Variants in DNAH14 observed in about 807,000 individuals in gnomAD.
DNAH14 encodes axonemal beta dynein heavy chain 14.
Under a neutral mutation model 520.9 loss-of-function variants are expected in DNAH14, and 478 were observed. The observed-to-expected ratio is 0.92, with a 90% CI of 0.85 to 0.99. The LOEUF (loss-of-function observed/expected upper bound fraction) is 0.99, where lower values mean the gene tolerates loss of function less well. DNAH14 is among the 50% of genes least tolerant of loss of function. The pLI is 0.00. For missense variants in DNAH14, 4,831 were observed against 5,234.5 expected (o/e 0.92, Z 2.38); for synonymous variants, 1,581 against 1,757.2 (o/e 0.90, Z 2.51).
intron 46 of DNAH14, among the ~76,000 whole-genome samples, chr1:225,261,337 T>A (rs2092928742): frequency 6.6e-6 from 1 of 152,302 alleles, no homozygotes; most frequent in South Asian, 2.1e-4. Flanking sequence ...TGTTGAGAAT[T>A]TTTTATGAAA....
chr1:224,952,721 A>G lies in DNAH14; in HGVS notation c.19A>G (p.Ile7Val). 2 of 1,603,728 alleles carry G rather than the reference A, an allele frequency of 1.2e-6. No individual in the cohort carries two copies. The highest frequency in any genetic ancestry group is 1.1e-5 in the South Asian group (1 of 88,942). The change falls in exon 2 of 86, where the codon ATT (isoleucine) becomes GTT (valine). Residue 7 changes from isoleucine to valine, a missense_variant. Ile to Val is a conservative substitution (Grantham distance 29, BLOSUM62 3). Coordinates refer to ENST00000682510, the MANE Select transcript of DNAH14 (RefSeq NM_001367479.1). ...AAAACATATGGAGACGTTTATACCC[A>G]TTGATTTGACAACTGAAAATCAAGA... METFIPIDLTTENQEMD... is the reference protein window; with the variant it reads METFIPVDLTTENQEMD...
At chr1:225,071,374 G>T (rs2071524081) in intron 17 of DNAH14, among the ~76,000 whole-genome samples, 1 of 152,108 alleles carries the variant, frequency 6.6e-6, no homozygotes, top group South Asian at 2.1e-4. Context: ...AGGCAGGTCT[G>T]GTGGTAACAA....
chr1:225,049,047 ATTTTTTTTTTTTTTT>A (rs71170051), intron 15 of DNAH14, among the ~76,000 whole-genome samples: 5 of 56,278 alleles, frequency 8.9e-5, no homozygotes, highest in African/African-American at 3.3e-4. Flanking sequence ...TCTCTTGCCT[ATTTTTTTTTTTTTTT>A]TTTTTTTTTT....
chr1:225,340,844 A>G, intron 69 of DNAH14, 143 bp downstream of exon 69: 2 of 1,014,102 alleles, frequency 2.0e-6, no homozygotes, highest in Non-Finnish European at 2.8e-6. Context: ...GAATCACCCC[A>G]TTTCTAAACT....
At chr1:224,986,110 T>C (rs2062618250) in intron 8 of DNAH14, among the ~76,000 whole-genome samples, 1 of 151,476 alleles carries the variant, frequency 6.6e-6, no homozygotes, top group Admixed American at 6.6e-5. Context: ...CAGTAACAAG[T>C]AAGAAGATCA....
At chr1:225,122,557 T>C (rs928965428) in intron 26 of DNAH14, among the ~76,000 whole-genome samples, 1 of 152,194 alleles carries the variant, frequency 6.6e-6, no homozygotes, top group Admixed American at 6.5e-5. Flanking sequence ...AACTATATGT[T>C]GTTTGAGAGA....
At chr1:224,962,301 C>A (rs752246011) in intron 4 of DNAH14, among the ~76,000 whole-genome samples, 3 of 152,108 alleles carry the variant, frequency 2.0e-5, no homozygotes, top group Non-Finnish European at 4.4e-5. Context: ...TATTTAAGGC[C>A]CTTAATCAAA....
At chr1:225,041,340 A>C (rs1572647617) in intron 12 of DNAH14, among the ~76,000 whole-genome samples, 1 of 152,160 alleles carries the variant, frequency 6.6e-6, no homozygotes, top group Non-Finnish European at 1.5e-5. Flanking sequence ...CCTAATCCCC[A>C]TTGTAATCTG....
chr1:225,346,580 A>G lies in DNAH14; in HGVS notation c.11222A>G (p.Glu3741Gly). ...GATGACATTGGATTCCTACCAGAAG[A>G]AGAATGGAACATCTTTTTATATTCT... ...IQDDIGFLPE[E>G]EWNIFLYSGI... Residue 3741 changes from glutamate (E) to glycine (G), a missense_variant, in exon 71 of 86, where the codon GAA (glutamate) becomes GGA (glycine). Coordinates refer to ENST00000682510, the MANE Select transcript of DNAH14 (RefSeq NM_001367479.1). 6.4e-7 allele frequency: 1 copy of G among 1,551,032 alleles called. No individual in the cohort carries two copies.
chr1:225,384,255 G>A (rs1040579732), intron 81 of DNAH14, among the ~76,000 whole-genome samples: 16 of 152,220 alleles, frequency 1.1e-4, no homozygotes, highest in Admixed American at 3.3e-4. Flanking sequence ...TATTAGGTCC[G>A]CTTGGTGCAG....
intron 8 of DNAH14, among the ~76,000 whole-genome samples, chr1:224,990,589 T>C (rs139142475): frequency 4.6e-5 from 7 of 152,344 alleles, no homozygotes; most frequent in African/African-American, 1.7e-4. Flanking sequence ...TTATTTAACT[T>C]AGCATAATGT....
intron 38 of DNAH14, among the ~76,000 whole-genome samples, chr1:225,194,197 A>T: frequency 6.6e-6 from 1 of 152,184 alleles, no homozygotes; most frequent in South Asian, 2.1e-4. Flanking sequence ...AAAAACTATT[A>T]TAAAATTCTT....
At chr1:225,130,327 C>G (rs1370493431) in intron 27 of DNAH14, among the ~76,000 whole-genome samples, 2 of 151,940 alleles carry the variant, frequency 1.3e-5, no homozygotes, top group Admixed American at 6.6e-5. Flanking sequence ...GGGTATATAC[C>G]CAAAGGACTA....
At chr1:225,107,794 G>A (rs28789844) in intron 23 of DNAH14, among the ~76,000 whole-genome samples, 11,579 of 152,076 alleles carry the variant, frequency 0.076, 1,422 homozygotes, top group African/African-American at 0.26. Flanking sequence ...CCATATCCTT[G>A]CCAACATTTG....
intron 36 of DNAH14, among the ~76,000 whole-genome samples, chr1:225,179,194 G>T (rs1293687905): frequency 6.6e-6 from 1 of 152,158 alleles, no homozygotes; most frequent in South Asian, 2.1e-4. Context: ...TTTAATTGGA[G>T]AATTTAGTTC....
Position 225,353,272 on chromosome 1 carries a change from G to C in DNAH14, c.11534-531G>C, listed in dbSNP as rs1251272851. On this transcript the variant is annotated intron_variant, in intron 72 of 85. Coordinates refer to ENST00000682510, the MANE Select transcript of DNAH14 (RefSeq NM_001367479.1). ...CTTGCAAAAAATTGTAATCCAGTAG[G>C]ACTCTATTGTGGTGGTAAGAGGGGT... Among the ~76,000 whole-genome samples, 3 of 152,036 alleles carry C rather than the reference G, an allele frequency of 2.0e-5. No homozygotes were observed. The East Asian group carries it at 5.8e-4, about 29-fold the overall frequency.
intron 82 of DNAH14, among the ~76,000 whole-genome samples, 184 bp from the exon 83 acceptor site, chr1:225,389,550 C>T (rs1044033359): frequency 6.6e-6 from 1 of 152,200 alleles, no homozygotes; most frequent in Admixed American, 6.5e-5. Flanking sequence ...CCTTTGTGGT[C>T]CCCTTTTCCC....
intron 26 of DNAH14, among the ~76,000 whole-genome samples, chr1:225,122,666 G>T: frequency 6.6e-6 from 1 of 152,006 alleles, no homozygotes; most frequent in East Asian, 1.9e-4. Context: ...AAGTTCCAAA[G>T]GTATTAAATA....
intron 35 of DNAH14, among the ~76,000 whole-genome samples, 162 bp from the exon 36 acceptor site, chr1:225,167,777 G>A (rs1553490681): frequency 1.3e-5 from 2 of 152,106 alleles, no homozygotes; most frequent in Non-Finnish European, 2.9e-5. Context: ...AGTAGTAATA[G>A]TTTTTACTAT....
Sources: allele counts gnomAD v4.1 joint callset (sites outside exome capture counted in the v4.1 genomes callset), GRCh38; gene constraint gnomAD v4.1.1; transcripts MANE v1.5; gene names NCBI Gene and HGNC (gene_info 2026-07-23, HGNC 2026-07-21).